The following ABI1 variants were observed in gnomAD, a reference collection of about 807,000 sequenced individuals.
The protein encoded by ABI1 is Abelson interactor 1.
In ABI1, 14 loss-of-function variants were observed where a neutral mutation model predicts 54.6. The ratio of observed to expected loss-of-function variants is 0.26; its 90% CI spans 0.17 to 0.40. The LOEUF is 0.40. Ranked by LOEUF, ABI1 falls within the 10% of genes least tolerant of loss-of-function variation. The probability of loss-of-function intolerance (pLI) is 1.00; values close to 1 mark genes in which losing one functional copy is unlikely to be tolerated. For missense variants in ABI1, 443 were observed against 598.3 expected (o/e 0.74, Z 2.71); for synonymous variants, 194 against 209.3 (o/e 0.93, Z 0.63).
chr10:26,809,624 A>T (rs892940164), intron 2 of ABI1, among the ~76,000 whole-genome samples: 4 of 152,198 alleles, frequency 2.6e-5, no homozygotes, highest in African/African-American at 9.6e-5. Context: ...TTTTCACATA[A>T]AAAAGGGGGG....
chr10:26,803,841 A>G (rs946463460), intron 2 of ABI1, among the ~76,000 whole-genome samples: 1 of 152,200 alleles, frequency 6.6e-6, no homozygotes, highest in Non-Finnish European at 1.5e-5. Context: ...ACAGTGATAT[A>G]CAAAACAGAT....
At chr10:26,833,629 G>C (rs2048832000) in intron 1 of ABI1, among the ~76,000 whole-genome samples, 1 of 152,024 alleles carries the variant, frequency 6.6e-6, no homozygotes, top group Non-Finnish European at 1.5e-5. Flanking sequence ...ATGTTAACAA[G>C]TTATCTTCTC....
intron 9 of ABI1, among the ~76,000 whole-genome samples, chr10:26,753,860 G>T (rs1837937451): frequency 1.3e-5 from 2 of 152,122 alleles, no homozygotes; most frequent in African/African-American, 2.4e-5. Flanking sequence ...AACTAATATA[G>T]TACCAAGAGC....
At chr10:26,842,319 A>G (rs1467977337) in intron 1 of ABI1, among the ~76,000 whole-genome samples, 1 of 152,232 alleles carries the variant, frequency 6.6e-6, no homozygotes, top group African/African-American at 2.4e-5. Flanking sequence ...CATGAATTTT[A>G]GATATTAATC....
chr10:26,748,387 A>T lies in ABI1; in HGVS notation c.*183T>A, dbSNP rs1488622394. ...TGGACAGCTTCTTGTATAAATTGCT[A>T]TTCAGCAATACATAAACTGCCTCAA... On this transcript the variant is annotated 3_prime_UTR_variant, in exon 11 of 11. Coordinates refer to ENST00000376140, the MANE Select transcript of ABI1 (RefSeq NM_001012750.3). The T allele has an allele frequency of 2.0e-6, 1 of 498,882 alleles. No homozygotes were observed. The highest frequency in any genetic ancestry group is 2.9e-5 in the East Asian group (1 of 34,276). 30.9% of individuals were successfully genotyped at this position (498,882 alleles called of 1,614,324 possible).
chr10:26,839,681 T>C (rs1401064285), intron 1 of ABI1: 2 of 641,508 alleles, frequency 3.1e-6, no homozygotes, highest in African/African-American at 3.8e-5. Flanking sequence ...CCAGGCTTGG[T>C]GGCTCACACC....
rs545702682 is a variant in ABI1, at chr10:26,800,712, C to T, written c.285+22426G>A. 1.1e-3 allele frequency among the ~76,000 whole-genome samples: 171 copies of T among 152,286 alleles called. 2 individuals are homozygous for T. The South Asian group carries it at 0.033, about 30-fold the overall frequency. Reference sequence around the variant, plus strand: ...GACCATTACACTGCTGCCTGGGTGACAGACCAGGACCTTGCCTCAAAAAGA... The same window carrying T: ...GACCATTACACTGCTGCCTGGGTGATAGACCAGGACCTTGCCTCAAAAAGA... On this transcript the variant is annotated intron_variant, in intron 2 of 10. Transcript: ENST00000376140.
At chr10:26,760,888 C>CAAAAA (rs57750390) in intron 7 of ABI1, among the ~76,000 whole-genome samples, 3 of 49,444 alleles carry the variant, frequency 6.1e-5, no homozygotes, top group Non-Finnish European at 1.1e-4. Context: ...GACTCCATCT[C>CAAAAA]AAAAAAAAAA....
intron 1 of ABI1, among the ~76,000 whole-genome samples, chr10:26,834,430 T>G (rs2133957005): frequency 6.6e-6 from 1 of 152,172 alleles, no homozygotes; most frequent in Middle Eastern, 3.4e-3. Context: ...ACTATCCATC[T>G]GACACAGGAC....
rs550653557 is a variant in ABI1, at chr10:26,820,308, T to C, written c.285+2830A>G. ...TCACATTGTACATCTTAAATATATA[T>C]GATTTTTGTGTCAATTATAACTCAA... is the stretch of plus-strand genomic sequence containing the variant. On this transcript the variant is annotated intron_variant, in intron 2 of 10. Coordinates refer to ENST00000376140, the MANE Select transcript of ABI1 (RefSeq NM_001012750.3). Among the ~76,000 whole-genome samples the C allele has an allele frequency of 2.6e-5, 4 of 152,224 alleles. No homozygotes were observed. The East Asian group carries it at 7.7e-4, about 29-fold the overall frequency.
Position 26,837,472 on chromosome 10 carries a change from A to G in ABI1, c.118-14167T>C, listed in dbSNP as rs143489904. On this transcript the variant is annotated intron_variant, in intron 1 of 10. Coordinates refer to ENST00000376140, the MANE Select transcript of ABI1 (RefSeq NM_001012750.3). ...GGGGAGACGGGTTTGAGGCTTCAACATAAGGATGGCAGGGGGACACAATTC... is the reference window on the plus strand; with the variant it reads ...GGGGAGACGGGTTTGAGGCTTCAACGTAAGGATGGCAGGGGGACACAATTC... Among the ~76,000 whole-genome samples, 707 of 152,340 alleles carry G rather than the reference A, an allele frequency of 4.6e-3. 4 individuals are homozygous for G. Among genetic ancestry groups the G allele is most frequent in the Admixed American group, 0.011 (164 of 15,310 alleles).
intron 2 of ABI1, among the ~76,000 whole-genome samples, chr10:26,798,946 A>G (rs979225046): frequency 6.6e-6 from 1 of 152,272 alleles, no homozygotes; most frequent in Admixed American, 6.5e-5. Context: ...ACATGTAACA[A>G]ATCTCCGAAG....
chr10:26,809,058 T>C (rs1588942894), intron 2 of ABI1, among the ~76,000 whole-genome samples: 1 of 151,642 alleles, frequency 6.6e-6, no homozygotes, highest in African/African-American at 2.4e-5. Context: ...TCACCTGAGG[T>C]CAGGAGTTTG....
rs2051168108 is a variant in ABI1, at chr10:26,860,040, T to G, written c.117+707A>C. Among the ~76,000 whole-genome samples, 1 of 151,924 alleles carries G rather than the reference T, an allele frequency of 6.6e-6. No homozygotes were observed. Among genetic ancestry groups the G allele is most frequent in the South Asian group, 2.1e-4 (1 of 4,808 alleles). ...ACTTGAAAATGGACAAGCAGACAGATTTACAAACCTTCAATTAAAGGAATT... is the reference window on the plus strand; with the variant it reads ...ACTTGAAAATGGACAAGCAGACAGAGTTACAAACCTTCAATTAAAGGAATT... On this transcript the variant is annotated intron_variant, in intron 1 of 10. Transcript: ENST00000376140. The surrounding 1 kb of genome is among the most constrained non-coding windows in gnomAD (Gnocchi z 4.1).
At chr10:26,752,166 C>A (rs989900327) in intron 9 of ABI1, among the ~76,000 whole-genome samples, 1 of 152,108 alleles carries the variant, frequency 6.6e-6, no homozygotes, top group Admixed American at 6.6e-5. Flanking sequence ...AGTAACATTA[C>A]GTTAATGGTT....
At chr10:26,780,422 C>T (rs1029354523) in intron 2 of ABI1, among the ~76,000 whole-genome samples, 5 of 152,070 alleles carry the variant, frequency 3.3e-5, no homozygotes, top group African/African-American at 1.2e-4. Context: ...TTAGTAGAGA[C>T]GAGGTCTCAC....
intron 2 of ABI1, among the ~76,000 whole-genome samples, chr10:26,805,838 G>A (rs1242983554): frequency 3.9e-5 from 6 of 152,152 alleles, no homozygotes; most frequent in African/African-American, 1.4e-4. Context: ...AAGCAGAGAA[G>A]AAGCCAAAGG....
chr10:26,792,997 G>A (rs527292858), intron 2 of ABI1, among the ~76,000 whole-genome samples: 1 of 152,062 alleles, frequency 6.6e-6, no homozygotes, highest in African/African-American at 2.4e-5. Flanking sequence ...ACTACTTAAC[G>A]TTCCATGGAT....
At position 26,835,367 on chromosome 10, in the gene ABI1, G is replaced by A. The variant is rs374183457; in HGVS notation, c.118-12062C>T. On this transcript the variant is annotated intron_variant, in intron 1 of 10. Transcript: ENST00000376140. ...AAGTGGGAGGATCACTTGAGTTCAG[G>A]AGTTCAAGACCAGCCTGAGCAGCAC... 1.2e-3 allele frequency among the ~76,000 whole-genome samples: 179 copies of A among 152,158 alleles called. 1 individual carries two copies. In the South Asian group the frequency reaches 0.015, roughly 13 times the overall value.
Sources: allele counts gnomAD v4.1 joint callset (sites outside exome capture counted in the v4.1 genomes callset), GRCh38; gene constraint gnomAD v4.1.1; non-coding constraint Gnocchi (gnomAD v3.1); transcripts MANE v1.5; gene names NCBI Gene and HGNC (gene_info 2026-07-23, HGNC 2026-07-21).